CFAP43: variants seen among roughly 807,000 people sequenced by gnomAD.
CFAP43 encodes the protein cilia- and flagella-associated protein 43.
In CFAP43, 155 loss-of-function variants were observed where a neutral mutation model predicts 218.9. The observed-to-expected ratio is 0.71, with a 90% confidence interval of 0.62 to 0.81. The LOEUF is 0.81. Among genes scored for constraint, CFAP43 ranks in the 30% least tolerant of loss-of-function variants. The pLI is 0.00. For synonymous variants in CFAP43, 645 were observed against 681.3 expected (o/e 0.95, Z 0.83); for missense variants, 1,778 against 1,954.3 (o/e 0.91, Z 1.70).
At position 104,161,673 on chromosome 10, in the gene CFAP43, C is replaced by G. The variant is rs141841442; in HGVS notation, c.3414+288G>C. On this transcript the variant is annotated intron_variant, in intron 26 of 37. Transcript: ENST00000357060. The stretch of plus-strand genomic sequence containing the variant: ...TGAGACAGGGTCTTGCTCTGTCTCT[C>G]AGGCTGGAGTGCAGTGGTGTGATCA... 3.3e-5 allele frequency among the ~76,000 whole-genome samples: 5 copies of G among 152,246 alleles called. No homozygotes were observed. The East Asian group carries it at 9.7e-4, about 29-fold the overall frequency.
chr10:104,132,720 A>G, intron 35 of CFAP43: 1 of 985,150 alleles, frequency 1.0e-6, no homozygotes, highest in Non-Finnish European at 1.2e-6. Context: ...AGCACCAATT[A>G]TTACAAATGC....
At chr10:104,138,457 C>T (rs2087550446) in intron 34 of CFAP43, among the ~76,000 whole-genome samples, 1 of 151,926 alleles carries the variant, frequency 6.6e-6, no homozygotes, top group Non-Finnish European at 1.5e-5. Context: ...GGGCGGATCA[C>T]CTGAGGTTGG....
At chr10:104,140,785 T>C in intron 34 of CFAP43, 57 bp downstream of exon 34, 1 of 1,397,168 alleles carries the variant, frequency 7.2e-7, no homozygotes, top group Non-Finnish European at 9.6e-7. Flanking sequence ...CACAAGACTC[T>C]AGCCTGAGTA....
intron 4 of CFAP43, among the ~76,000 whole-genome samples, chr10:104,213,380 G>C (rs1172442620): frequency 6.6e-6 from 1 of 152,112 alleles, no homozygotes; most frequent in Non-Finnish European, 1.5e-5. Flanking sequence ...GTAGCACCTT[G>C]AGTCTCCGAG....
chr10:104,149,029 C>T (rs757824237), intron 28 of CFAP43, among the ~76,000 whole-genome samples: 130 of 152,084 alleles, frequency 8.5e-4, no homozygotes, highest in Admixed American at 1.2e-3. Flanking sequence ...ATACTCTTCA[C>T]GTTCCCTTTC....
At chr10:104,171,766 G>T (rs1422065238) in intron 20 of CFAP43, among the ~76,000 whole-genome samples, 3 of 152,192 alleles carry the variant, frequency 2.0e-5, no homozygotes, top group Admixed American at 2.0e-4. Flanking sequence ...TGAATTAATA[G>T]AAGTATAGTA....
At chr10:104,193,838 G>A (rs527743711) in intron 11 of CFAP43, 28 bp downstream of exon 11, 11 of 1,607,292 alleles carry the variant, frequency 6.8e-6, no homozygotes, top group South Asian at 1.1e-5. Context: ...GTGACACGGA[G>A]CCGCTCCTGG....
intron 17 of CFAP43, 34 bp downstream of exon 17, chr10:104,182,332 G>A: frequency 6.7e-7 from 1 of 1,498,852 alleles, no homozygotes; most frequent in Non-Finnish European, 8.9e-7. Flanking sequence ...AGAAAGAAAT[G>A]TAAGCAAGCA....
intron 27 of CFAP43, among the ~76,000 whole-genome samples, chr10:104,157,253 C>G (rs1011420026): frequency 6.6e-6 from 1 of 152,114 alleles, no homozygotes; most frequent in African/African-American, 2.4e-5. Context: ...AGGCCCATAC[C>G]TTTTTCCTTC....
intron 33 of CFAP43, 25 bp downstream of exon 33, chr10:104,142,255 GA>G: frequency 6.3e-7 from 1 of 1,590,180 alleles, no homozygotes; most frequent in Non-Finnish European, 8.6e-7. Flanking sequence ...TTGAATAGGT[GA>G]ACATGAAAGA....
intron 7 of CFAP43, among the ~76,000 whole-genome samples, chr10:104,205,624 C>T (rs746583083): frequency 5.3e-5 from 8 of 152,092 alleles, no homozygotes; most frequent in Non-Finnish European, 1.2e-4. Flanking sequence ...ATTCCAAATT[C>T]GTGTCTGATA....
intron 29 of CFAP43, among the ~76,000 whole-genome samples, chr10:104,147,272 T>TTAA (rs1466306531): frequency 6.6e-6 from 1 of 151,600 alleles, no homozygotes; most frequent in Admixed American, 6.6e-5. Flanking sequence ...CATATGCTGT[T>TTAA]TAATAGGCTC....
intron 19 of CFAP43, among the ~76,000 whole-genome samples, chr10:104,175,369 G>T (rs2089589435): frequency 6.6e-6 from 1 of 152,158 alleles, no homozygotes; most frequent in African/African-American, 2.4e-5. Context: ...AGCCTGCAGT[G>T]AGCTACGCTT....
At chr10:104,197,645 C>A (rs2090416939) in intron 9 of CFAP43, among the ~76,000 whole-genome samples, 1 of 152,144 alleles carries the variant, frequency 6.6e-6, no homozygotes, top group Non-Finnish European at 1.5e-5. Flanking sequence ...TGGTGAAAAC[C>A]AAAAGATGGC....
rs140288071 is a variant in CFAP43, at chr10:104,181,208, T to C, written c.2289+1158A>G. Among the ~76,000 whole-genome samples the C allele has an allele frequency of 1.3e-3, 194 of 152,288 alleles. 1 individual carries two copies. Among genetic ancestry groups the C allele is most frequent in the African/African-American group, 4.6e-3 (190 of 41,552 alleles). ...TGAATGACACCATCTTCTACATAAA[T>C]GTTCAAGTAAAACAATCTAGGAGTT... On this transcript the variant is annotated intron_variant, in intron 17 of 37. Transcript: ENST00000357060.
chr10:104,188,203 C>A lies in CFAP43; in HGVS notation c.1687+67G>T. On this transcript the variant is annotated intron_variant, in intron 13 of 37. Coordinates refer to ENST00000357060, the MANE Select transcript of CFAP43 (RefSeq NM_025145.7). ...CATGCCAAGATAAAAACAAAACAAACCCAAAAAACAATAACAACAATGTAT... is the reference window on the plus strand; with the variant it reads ...CATGCCAAGATAAAAACAAAACAAAACCAAAAAACAATAACAACAATGTAT... The A allele has an allele frequency of 1.9e-6, 3 of 1,564,472 alleles. No homozygotes were observed. In the South Asian group the frequency reaches 3.7e-5, roughly 19 times the overall value.
chr10:104,133,634 T>G lies in CFAP43; in HGVS notation c.4582A>C (p.Arg1528=). 1 of 1,611,644 alleles carries G rather than the reference T, an allele frequency of 6.2e-7. No homozygotes were observed. Among genetic ancestry groups the G allele is most frequent in the Non-Finnish European group, 8.5e-7 (1 of 1,179,304 alleles). ...GGAGAATTTACCTTTTGACGATCTC[T>G]TGAAAAAAATAGCATCTGAATATCC... ...AWDIQMLFFS[R]DRQKYLNEPN... Residue 1528 remains arginine, a synonymous_variant, in exon 35 of 38, where the codon AGA becomes CGA. Transcript: ENST00000357060.
chr10:104,232,151 C>G, intron 1 of CFAP43, 31 bp downstream of exon 1: 1 of 1,597,640 alleles, frequency 6.3e-7, no homozygotes, highest in Non-Finnish European at 8.5e-7. Flanking sequence ...CCGCGAGACC[C>G]AGATCGGTCG....
chr10:104,200,670 C>CAAAAA (rs71022722), intron 8 of CFAP43, among the ~76,000 whole-genome samples: 1 of 22,634 alleles, frequency 4.4e-5, no homozygotes, highest in Non-Finnish European at 9.8e-5. Flanking sequence ...GACTCTGTCT[C>CAAAAA]AAAAAAAAAA....
Sources: allele counts gnomAD v4.1 joint callset (sites outside exome capture counted in the v4.1 genomes callset), GRCh38; gene constraint gnomAD v4.1.1; transcripts MANE v1.5; gene names NCBI Gene and HGNC (gene_info 2026-07-23, HGNC 2026-07-21).